CMIP: variants seen among roughly 807,000 people sequenced by gnomAD.
CMIP encodes c-Maf inducing protein, also known as C-Maf-inducing protein.
A neutral mutation model predicts 97.3 loss-of-function variants in CMIP; 13 were observed. The ratio of observed to expected loss-of-function variants is 0.13; its 90% CI spans 0.09 to 0.21. CMIP has a LOEUF of 0.21. Ranked by LOEUF, CMIP falls within the 10% of genes least tolerant of loss-of-function variation. CMIP has a pLI of 1.00. For missense variants in CMIP, 847 were observed against 1,024.9 expected, an observed-to-expected ratio of 0.83 and a Z score of 2.37; for synonymous variants, 538 against 436.3, an observed-to-expected ratio of 1.23 and a Z score of -2.91.
chr16:81,475,452 C>T (rs1245302412), intron 1 of CMIP, among the ~76,000 whole-genome samples: 2 of 152,166 alleles, frequency 1.3e-5, no homozygotes, highest in East Asian at 1.9e-4. Flanking sequence ...ACTTGTACAA[C>T]TACATACTCT....
intron 9 of CMIP, among the ~76,000 whole-genome samples, chr16:81,673,206 A>C (rs2092698816): frequency 1.3e-5 from 2 of 152,164 alleles, no homozygotes. Flanking sequence ...GGAGGACATC[A>C]GTGAAGTATG....
chr16:81,619,517 C>T (rs565021609), intron 2 of CMIP: 20 of 152,322 alleles, frequency 1.3e-4, no homozygotes, highest in Non-Finnish European at 2.5e-4. Context: ...GGTGGATGTT[C>T]GTGCTTGGAG....
intron 13 of CMIP, chr16:81,695,782 A>G (rs1906646450): frequency 6.5e-6 from 1 of 152,844 alleles, no homozygotes. Context: ...TCTGGGAAGG[A>G]ATGTGAGAGC....
In CMIP at chr16:81,616,808, G is replaced by T. The variant is rs1019611645; in HGVS notation, c.427-4068G>T. Among the ~76,000 whole-genome samples, 6 of 152,270 alleles carry T rather than the reference G, an allele frequency of 3.9e-5. No homozygotes were observed. The highest frequency in any genetic ancestry group is 7.3e-5 in the Non-Finnish European group (5 of 68,042). Reference sequence around the variant, plus strand: ...TGATGTGTAGCAGTGTCTGTGGTCAGTGGCTCTGAAGAAATCCGTCCCAGG... The same window carrying T: ...TGATGTGTAGCAGTGTCTGTGGTCATTGGCTCTGAAGAAATCCGTCCCAGG... On this transcript the variant is annotated intron_variant, in intron 2 of 20. Transcript: ENST00000537098. This position sits in a 1 kb window ranked among gnomAD's most constrained non-coding sequence, Gnocchi z 4.7.
At position 81,445,228 on chromosome 16, in the gene CMIP, C is replaced by T. The variant is rs1027705253; in HGVS notation, c.-14C>T. On this transcript the variant is annotated 5_prime_UTR_variant, in exon 1 of 21. Coordinates refer to ENST00000537098, the MANE Select transcript of CMIP (RefSeq NM_198390.3). Reference sequence around the variant, plus strand: ...CCCCTCTCCCCGCCCCCAGCCCCCTCCCCCGGCGCGGCCATGGATGTGACC... The same window carrying T: ...CCCCTCTCCCCGCCCCCAGCCCCCTTCCCCGGCGCGGCCATGGATGTGACC... 11 of 1,498,998 alleles carry T rather than the reference C, an allele frequency of 7.3e-6. No homozygotes were observed. The highest frequency in any genetic ancestry group is 6.2e-5 in the Admixed American group (3 of 48,734). 92.9% of individuals were successfully genotyped at this position (1,498,998 alleles called of 1,614,324 possible).
chr16:81,653,700 C>T (rs994556484), intron 4 of CMIP, among the ~76,000 whole-genome samples: 1 of 152,192 alleles, frequency 6.6e-6, no homozygotes, highest in Non-Finnish European at 1.5e-5. Flanking sequence ...GCAACCTCCG[C>T]CTCCTGGGTT....
intron 1 of CMIP, among the ~76,000 whole-genome samples, chr16:81,562,033 G>C (rs1391541122): frequency 6.6e-6 from 1 of 152,210 alleles, no homozygotes; most frequent in Non-Finnish European, 1.5e-5. Flanking sequence ...GGATCTATCT[G>C]CTGGTAAAGA....
At position 81,640,320 on chromosome 16, in the gene CMIP, C is replaced by T. The variant is rs565618727; in HGVS notation, c.478-11883C>T. Among the ~76,000 whole-genome samples, 3 of 144,186 alleles carry T rather than the reference C, an allele frequency of 2.1e-5. No homozygotes were observed. The South Asian group carries it at 6.8e-4, about 33-fold the overall frequency. 94.6% of individuals were successfully genotyped at this position (144,186 alleles called of 152,430 possible). The stretch of plus-strand genomic sequence containing the variant: ...CCCCCAATTCCCCAGGGAAAGAAAA[C>T]CCAACCAATTCCAAACCCAGCTCCC... On this transcript the variant is annotated intron_variant, in intron 3 of 20. Transcript: ENST00000537098.
chr16:81,451,588 G>A (rs760377134), intron 1 of CMIP, among the ~76,000 whole-genome samples: 2 of 152,120 alleles, frequency 1.3e-5, no homozygotes, highest in African/African-American at 2.4e-5. Context: ...AAGAGGGAAG[G>A]GCAGTGTTTC....
At chr16:81,681,265 G>A (rs1456641237) in intron 10 of CMIP, among the ~76,000 whole-genome samples, 1 of 152,242 alleles carries the variant, frequency 6.6e-6, no homozygotes, top group Non-Finnish European at 1.5e-5. Context: ...ACACCCAGCA[G>A]GCTGCTTAAG....
intron 1 of CMIP, among the ~76,000 whole-genome samples, chr16:81,585,235 A>C (rs2091362091): frequency 6.6e-6 from 1 of 152,164 alleles, no homozygotes; most frequent in Non-Finnish European, 1.5e-5. Flanking sequence ...CCAGCTACTC[A>C]GGAGGCTGAG....
At chr16:81,599,138 G>T (rs1597131945) in intron 1 of CMIP, among the ~76,000 whole-genome samples, 1 of 152,090 alleles carries the variant, frequency 6.6e-6, no homozygotes, top group Non-Finnish European at 1.5e-5. Flanking sequence ...ATTGAGAAAG[G>T]TGCAGGCAGC....
intron 4 of CMIP, among the ~76,000 whole-genome samples, chr16:81,654,231 T>TTATTATTATTATTATTATTA (rs2092459461): frequency 6.6e-6 from 1 of 150,728 alleles, no homozygotes; most frequent in African/African-American, 2.5e-5. Context: ...CTCCTTGGGC[T>TTATTATTATTATTATTATTA]TTATTATTAT....
chr16:81,460,354 A>G (rs936024927), intron 1 of CMIP, among the ~76,000 whole-genome samples: 1 of 149,670 alleles, frequency 6.7e-6, no homozygotes, highest in African/African-American at 2.5e-5. Context: ...TCCCTCAGCC[A>G]CTCCTGCAGT....
At chr16:81,701,389 C>A (rs550027036) in intron 15 of CMIP, among the ~76,000 whole-genome samples, 1 of 152,328 alleles carries the variant, frequency 6.6e-6, no homozygotes, top group Admixed American at 6.5e-5. Context: ...GGGCCTGCCC[C>A]ATGTCCAGAC....
intron 3 of CMIP, among the ~76,000 whole-genome samples, chr16:81,649,962 C>T (rs1287441942): frequency 2.6e-5 from 4 of 152,178 alleles, no homozygotes; most frequent in Non-Finnish European, 1.5e-5. Flanking sequence ...GATATTTCAT[C>T]GTGCTATTCA....
chr16:81,635,794 G>A (rs1473660997), intron 3 of CMIP, among the ~76,000 whole-genome samples: 2 of 152,004 alleles, frequency 1.3e-5, no homozygotes, highest in South Asian at 2.1e-4. Context: ...GGGGAGGGGG[G>A]GACAGCTCTG....
chr16:81,666,760 G>C (rs990913371), intron 7 of CMIP: 3 of 152,248 alleles, frequency 2.0e-5, no homozygotes, highest in African/African-American at 7.2e-5. Context: ...GAGGACCGAG[G>C]AGGATCCGCC....
chr16:81,677,398 G>C (rs1334570101), intron 9 of CMIP, among the ~76,000 whole-genome samples: 1 of 152,200 alleles, frequency 6.6e-6, no homozygotes, highest in Non-Finnish European at 1.5e-5. Context: ...GTTCAGTGAT[G>C]TGTTTGAGCA....
Sources: gnomAD v4.1 joint callset for allele counts (sites outside exome capture counted in the v4.1 genomes callset) on GRCh38, gnomAD v4.1.1 for gene constraint, Gnocchi (gnomAD v3.1) non-coding constraint, MANE v1.5 for transcripts, NCBI Gene and HGNC (gene_info 2026-07-23, HGNC 2026-07-21) for gene names.